MBOAT7: variants seen among roughly 807,000 people sequenced by gnomAD.
The protein encoded by MBOAT7 is membrane-bound acylglycerophosphatidylinositol O-acyltransferase MBOAT7.
A neutral mutation model predicts 47.4 loss-of-function variants in MBOAT7; 40 were observed. The ratio of observed to expected loss-of-function variants is 0.84; its 90% CI spans 0.66 to 1.10. The LOEUF (loss-of-function observed/expected upper bound fraction) is 1.10. Among genes scored for constraint, MBOAT7 ranks in the 50% least tolerant of loss-of-function variants. The pLI is 0.00. For missense variants in MBOAT7, 680 were observed against 655.6 expected, an observed-to-expected ratio of 1.04 and a Z score of -0.41; for synonymous variants, 361 against 292.0, an observed-to-expected ratio of 1.24 and a Z score of -2.41.
chr19:54,187,621 G>A (rs1277899099), intron 3 of MBOAT7, among the ~76,000 whole-genome samples: 1 of 152,178 alleles, frequency 6.6e-6, no homozygotes, highest in Non-Finnish European at 1.5e-5. Context: ...AATATGAACG[G>A]TGGCCAGGCC....
intron 3 of MBOAT7, 146 bp downstream of exon 3, chr19:54,188,071 C>CAG (rs2076501790): frequency 2.0e-6 from 1 of 509,944 alleles, no homozygotes; most frequent in African/African-American, 2.9e-5. Flanking sequence ...GAAAGAAAGA[C>CAG]AAACAAACAA....
At position 54,176,971 on chromosome 19, in the gene MBOAT7, C is replaced by T. The variant is rs142870448; in HGVS notation, c.1031+1794G>A. On this transcript the variant is annotated intron_variant, in intron 7 of 7. Coordinates refer to ENST00000245615, the MANE Select transcript of MBOAT7 (RefSeq NM_024298.5). ...GCATGGTGACTCACGCCTGTAATCC[C>T]AGCACGTTGGGAGGCCGAGGCACGC... Among the ~76,000 whole-genome samples the T allele has an allele frequency of 3.3e-3, 504 of 152,028 alleles. 2 individuals are homozygous for T. Among genetic ancestry groups the T allele is most frequent in the African/African-American group, 0.012 (488 of 41,488 alleles).
chr19:54,186,312 G>A (rs1253512082), intron 4 of MBOAT7, among the ~76,000 whole-genome samples: 1 of 152,184 alleles, frequency 6.6e-6, no homozygotes, highest in African/African-American at 2.4e-5. Context: ...ACTGTGCCCA[G>A]CCAGAACGAG....
intron 3 of MBOAT7, among the ~76,000 whole-genome samples, chr19:54,188,016 A>AGAAG (rs2076483969): frequency 1.5e-5 from 1 of 64,674 alleles, no homozygotes; most frequent in Admixed American, 1.9e-4. Flanking sequence ...ACTCCATCTC[A>AGAAG]GAAAGAAAGA....
At position 54,174,674 on chromosome 19, in the gene MBOAT7, G is replaced by C. The variant is rs576623081; in HGVS notation, c.1032-243C>G. Reference sequence around the variant, plus strand: ...CAGACCCCACCTCCCTCCTCCCTCAGATCCAGGAGTCCAGACCCCACTTCC... The same window carrying C: ...CAGACCCCACCTCCCTCCTCCCTCACATCCAGGAGTCCAGACCCCACTTCC... On this transcript the variant is annotated intron_variant, in intron 7 of 7. Coordinates refer to ENST00000245615, the MANE Select transcript of MBOAT7 (RefSeq NM_024298.5). Among the ~76,000 whole-genome samples the C allele has an allele frequency of 6.8e-4, 95 of 138,780 alleles. 1 individual carries two copies. In the South Asian group the frequency reaches 0.019, roughly 28 times the overall value. 91.0% of individuals were successfully genotyped at this position (138,780 alleles called of 152,430 possible). A position where few individuals can be genotyped will look rare whatever the true frequency, so the allele number is the denominator to read the frequency against.
chr19:54,188,069 G>GAAAGAAAGAAAAACAA (rs1416964687), intron 3 of MBOAT7, 148 bp downstream of exon 3: 5 of 200,044 alleles, frequency 2.5e-5, no homozygotes, highest in African/African-American at 9.0e-5. Context: ...AAGAAAGAAA[G>GAAAGAAAGAAAAACAA]ACAAACAAAC....
intron 7 of MBOAT7, among the ~76,000 whole-genome samples, chr19:54,176,345 G>A (rs746892249): frequency 1.1e-4 from 17 of 152,070 alleles, no homozygotes; most frequent in Non-Finnish European, 2.1e-4. Flanking sequence ...TCAAGAGTGC[G>A]GAGGCTGGGT....
At chr19:54,188,544 C>G in intron 1 of MBOAT7, 33 bp from the exon 2 acceptor site, 1 of 1,541,316 alleles carries the variant, frequency 6.5e-7, no homozygotes, top group East Asian at 2.5e-5. Flanking sequence ...CAGTGAGAAC[C>G]CAGGAATCCA....
rs760013551 is a variant in MBOAT7 at position 54,188,469 on chromosome 19, TAAG to T, written c.37_39del (p.Leu13del). The T allele has an allele frequency of 7.7e-6, 12 of 1,556,046 alleles. No homozygotes were observed. The Admixed American group carries it at 7.8e-5, about 10-fold the overall frequency. On this transcript the variant is annotated inframe_deletion, in exon 2 of 8. Coordinates refer to ENST00000245615, the MANE Select transcript of MBOAT7 (RefSeq NM_024298.5). ...AAGAGGAAGCCGATGGGGATGGAGA[TAAG>T]AAGAACCACTAGATACGTCCATTCT...
intron 4 of MBOAT7, among the ~76,000 whole-genome samples, chr19:54,185,752 A>G (rs765617205): frequency 6.6e-6 from 1 of 151,792 alleles, no homozygotes; most frequent in Non-Finnish European, 1.5e-5. Context: ...CTGGAGTGCA[A>G]TGGCGGGATC....
At chr19:54,178,991 C>A (rs376980728) in intron 6 of MBOAT7, 50 bp from the exon 7 acceptor site, 2 of 1,595,054 alleles carry the variant, frequency 1.3e-6, no homozygotes, top group South Asian at 2.2e-5. Context: ...CTCAGCCAGG[C>A]CCCCTCCCGA....
chr19:54,188,413 G>A lies in MBOAT7; in HGVS notation c.76+20C>T. 1 of 1,573,916 alleles carries A rather than the reference G, an allele frequency of 6.4e-7. No homozygotes were observed. Among genetic ancestry groups the A allele is most frequent in the Non-Finnish European group, 8.6e-7 (1 of 1,158,604 alleles). ...GGGTCCCCCCCCTTTATTTTCCACT[G>A]GGGAGGGAGCCTGACTCACCGGCTT... On this transcript the variant is annotated intron_variant, in intron 2 of 7. Transcript: ENST00000245615.
intron 3 of MBOAT7, 61 bp downstream of exon 3, chr19:54,188,156 G>A (rs761172890): frequency 2.0e-6 from 3 of 1,512,464 alleles, no homozygotes; most frequent in East Asian, 4.7e-5. Flanking sequence ...GACTCAAAGA[G>A]GAAACAGGTT....
Position 54,183,683 on chromosome 19 carries a change from G to A in MBOAT7, c.334-3C>T, listed in dbSNP as rs1272052937. The A allele has an allele frequency of 1.3e-6, 2 of 1,546,222 alleles. No individual in the cohort carries two copies. The highest frequency in any genetic ancestry group is 2.1e-4 in the Middle Eastern group (1 of 4,756). On this transcript the variant is annotated splice_region_variant and splice_polypyrimidine_tract_variant and intron_variant, in intron 4 of 7. Transcript: ENST00000245615. ...ACTTCACTGGCCAGGCTCACCAGCTGGGCAGAAGGGGGTGGGCAAGGGGCC... is the reference window on the plus strand; with the variant it reads ...ACTTCACTGGCCAGGCTCACCAGCTAGGCAGAAGGGGGTGGGCAAGGGGCC...
In MBOAT7 at chr19:54,174,999, A is replaced by G. The variant is rs549851744; in HGVS notation, c.1032-568T>C. 8.4e-4 allele frequency among the ~76,000 whole-genome samples: 118 copies of G among 140,162 alleles called. 1 individual carries two copies. Among genetic ancestry groups the G allele is most frequent in the Middle Eastern group, 3.8e-3 (1 of 264 alleles). 92.0% of individuals were successfully genotyped at this position (140,162 alleles called of 152,430 possible). ...GGTTTTTTTTTTTTTTTTTTGAGACAGAGTCTCGCTCTGTCGCCCAGGCTA... is the reference window on the plus strand; with the variant it reads ...GGTTTTTTTTTTTTTTTTTTGAGACGGAGTCTCGCTCTGTCGCCCAGGCTA... On this transcript the variant is annotated intron_variant, in intron 7 of 7. Transcript: ENST00000245615.
Position 54,173,453 on chromosome 19 carries a change from T to C in MBOAT7, c.*591A>G. ...TTTATTGGGAAAGATTTACACACGGTGACCTGTCATAGGCCAAGCGATGAG... is the reference window on the plus strand; with the variant it reads ...TTTATTGGGAAAGATTTACACACGGCGACCTGTCATAGGCCAAGCGATGAG... On this transcript the variant is annotated 3_prime_UTR_variant, in exon 8 of 8. Transcript: ENST00000245615. The C allele has an allele frequency of 3.9e-6, 1 of 255,248 alleles. No homozygotes were observed. Among genetic ancestry groups the C allele is most frequent in the Non-Finnish European group, 7.6e-6 (1 of 131,222 alleles). 15.8% of individuals were successfully genotyped at this position (255,248 alleles called of 1,614,324 possible).
chr19:54,177,238 C>T (rs1218740027), intron 7 of MBOAT7, among the ~76,000 whole-genome samples: 1 of 152,022 alleles, frequency 6.6e-6, no homozygotes, highest in Non-Finnish European at 1.5e-5. Flanking sequence ...TCCCCTTCCA[C>T]ATTTATCTAA....
chr19:54,175,577 A>AT lies in MBOAT7; in HGVS notation c.1032-1147dup, dbSNP rs538582570. 3.2e-4 allele frequency among the ~76,000 whole-genome samples: 48 copies of AT among 151,320 alleles called. 2 individuals carry two copies. In the South Asian group the frequency reaches 9.8e-3, roughly 31 times the overall value. ...AGCACCATCTTTCCTCACTCTTTTT[A>AT]TTTTTTTGGAGACAGAGTCTCGCTC... On this transcript the variant is annotated intron_variant, in intron 7 of 7. Transcript: ENST00000245615.
chr19:54,186,432 G>A (rs1330161725), intron 4 of MBOAT7, among the ~76,000 whole-genome samples: 3 of 152,160 alleles, frequency 2.0e-5, no homozygotes, highest in Admixed American at 6.6e-5. Context: ...ATGTCCTCAC[G>A]GTCTCCAGCC....
Sources: gnomAD v4.1 joint callset for allele counts (sites outside exome capture counted in the v4.1 genomes callset) on GRCh38, gnomAD v4.1.1 for gene constraint, MANE v1.5 for transcripts, NCBI Gene and HGNC (gene_info 2026-07-23, HGNC 2026-07-21) for gene names.